The following DOCK2 variants were observed in gnomAD, a reference collection of about 807,000 sequenced individuals.
DOCK2 encodes dedicator of cytokinesis 2, also known as dedicator of cytokinesis protein 2.
In DOCK2, 87 loss-of-function variants were observed where a neutral mutation model predicts 248.9. The observed-to-expected ratio is 0.35, with a 90% CI of 0.29 to 0.42. The LOEUF is 0.42. Among genes scored for constraint, DOCK2 ranks in the 10% least tolerant of loss-of-function variants. The probability of loss-of-function intolerance (pLI) is 1.00; values close to 1 mark genes in which losing one functional copy is unlikely to be tolerated. For missense variants in DOCK2, 1,747 were observed against 2,300.2 expected (o/e 0.76, Z 4.92); for synonymous variants, 805 against 821.6 (o/e 0.98, Z 0.35).
chr5:169,686,068 C>G (rs559440881), intron 8 of DOCK2, among the ~76,000 whole-genome samples: 2 of 150,976 alleles, frequency 1.3e-5, no homozygotes, highest in Admixed American at 6.6e-5. Context: ...CCTTGGTGGA[C>G]CCCGATAATG....
chr5:169,902,301 A>G (rs1250468175), intron 27 of DOCK2, among the ~76,000 whole-genome samples: 9 of 152,244 alleles, frequency 5.9e-5, no homozygotes, highest in African/African-American at 2.2e-4. Flanking sequence ...GTGACTGTGG[A>G]CGAGGCCATC....
In DOCK2 at chr5:170,034,453, C is replaced by T. The variant is rs746001073; in HGVS notation, c.3522C>T (p.Phe1174=). Residue 1174 remains phenylalanine (F), a synonymous_variant, in exon 35 of 52, where the codon TTC becomes TTT. Coordinates refer to ENST00000520908, the MANE Select transcript of DOCK2 (RefSeq NM_004946.3). ...CCATTGCCAAGTCGGTGGAGAACTT[C>T]GTGAACCTGGTCAAAGGCCTCCTGG... is the stretch of plus-strand genomic sequence containing the variant. The part of the protein sequence containing the change: ...HPTIAKSVEN[F]VNLVKGLLEK... 9.3e-6 allele frequency: 15 copies of T among 1,614,042 alleles called. No homozygotes were observed. Among genetic ancestry groups the T allele is most frequent in the African/African-American group, 4.0e-5 (3 of 74,920 alleles).
chr5:169,758,229 A>T (rs1336240150), intron 23 of DOCK2, among the ~76,000 whole-genome samples: 1 of 152,222 alleles, frequency 6.6e-6, no homozygotes, highest in Non-Finnish European at 1.5e-5. Flanking sequence ...GTGTGCAGTT[A>T]ACTACAAAAA....
chr5:169,865,022 A>G (rs1487167507), intron 27 of DOCK2, among the ~76,000 whole-genome samples: 1 of 152,254 alleles, frequency 6.6e-6, no homozygotes, highest in African/African-American at 2.4e-5. Flanking sequence ...CATCATTAAC[A>G]TAATTTCTAC....
At chr5:169,638,300 A>C (rs1756953571) in intron 1 of DOCK2, among the ~76,000 whole-genome samples, 1 of 152,146 alleles carries the variant, frequency 6.6e-6, no homozygotes, top group Non-Finnish European at 1.5e-5. Flanking sequence ...AGAGATCAGC[A>C]GTTATCCACT....
At chr5:170,057,147 C>G (rs557626556) in intron 43 of DOCK2, 2 of 354,322 alleles carry the variant, frequency 5.6e-6, no homozygotes, top group East Asian at 1.5e-4. Context: ...CTAGTCTCCT[C>G]TGTGTGTGTC....
intron 44 of DOCK2, among the ~76,000 whole-genome samples, chr5:170,059,442 G>A (rs914810656): frequency 1.7e-4 from 26 of 152,078 alleles, no homozygotes; most frequent in South Asian, 2.1e-4. Flanking sequence ...TCAGCAAGGC[G>A]CCTCTTCTGT....
chr5:169,714,917 A>G (rs1669337823), intron 19 of DOCK2, among the ~76,000 whole-genome samples: 7 of 152,168 alleles, frequency 4.6e-5, no homozygotes. Flanking sequence ...GTTGATATAT[A>G]TGTATATGCA....
chr5:170,017,172 C>T (rs944638352), intron 32 of DOCK2, among the ~76,000 whole-genome samples: 1 of 152,166 alleles, frequency 6.6e-6, no homozygotes, highest in Non-Finnish European at 1.5e-5. Context: ...TGCTTTCCCT[C>T]TCAGCTCCTT....
intron 27 of DOCK2, chr5:169,934,875 T>C (rs1775918523): frequency 2.7e-6 from 1 of 369,344 alleles, no homozygotes; most frequent in Non-Finnish European, 5.4e-6. Context: ...AAAACAACTT[T>C]AACCACCTTA....
At chr5:169,643,310 T>C (rs529084166) in intron 1 of DOCK2, among the ~76,000 whole-genome samples, 13 of 151,934 alleles carry the variant, frequency 8.6e-5, no homozygotes, top group Non-Finnish European at 1.3e-4. Flanking sequence ...GTGGACACTT[T>C]CCAGAGCCCT....
chr5:169,688,907 A>G (rs929622435), intron 8 of DOCK2, among the ~76,000 whole-genome samples: 2 of 152,210 alleles, frequency 1.3e-5, no homozygotes, highest in African/African-American at 2.4e-5. Context: ...AAAATATACT[A>G]AAGTCCTTTC....
At chr5:169,864,157 A>T in intron 27 of DOCK2, 1 of 920,448 alleles carries the variant, frequency 1.1e-6, no homozygotes, top group Non-Finnish European at 1.7e-6. Context: ...TTCACAGGCC[A>T]AGGGGCTCAC....
chr5:169,810,979 T>TCACACA (rs1462836121), intron 26 of DOCK2, among the ~76,000 whole-genome samples: 8 of 136,298 alleles, frequency 5.9e-5, no homozygotes, highest in African/African-American at 2.5e-4. Context: ...AGACTCTCTC[T>TCACACA]CTCTCTCTCT....
At chr5:169,649,282 C>A (rs1369876565) in intron 1 of DOCK2, among the ~76,000 whole-genome samples, 1 of 152,188 alleles carries the variant, frequency 6.6e-6, no homozygotes, top group African/African-American at 2.4e-5. Context: ...GATGGCAGGG[C>A]CCCAGATGAG....
chr5:169,789,779 T>C (rs1025279594), intron 25 of DOCK2, among the ~76,000 whole-genome samples: 2 of 152,216 alleles, frequency 1.3e-5, no homozygotes, highest in Admixed American at 6.5e-5. Context: ...CTGCCTCAAG[T>C]CTGTCTCATC....
intron 13 of DOCK2, among the ~76,000 whole-genome samples, chr5:169,701,777 C>T (rs1340639137): frequency 6.6e-6 from 1 of 152,204 alleles, no homozygotes; most frequent in African/African-American, 2.4e-5. Flanking sequence ...TTTGGCCTCC[C>T]AAAGTGCTGG....
chr5:169,959,565 C>G (rs562276255), intron 27 of DOCK2, among the ~76,000 whole-genome samples: 1 of 152,252 alleles, frequency 6.6e-6, no homozygotes, highest in African/African-American at 2.4e-5. Flanking sequence ...AGATTTCTCT[C>G]TCTTTGGAAT....
At chr5:169,650,073 C>T (rs755049058) in intron 1 of DOCK2, among the ~76,000 whole-genome samples, 3 of 152,168 alleles carry the variant, frequency 2.0e-5, no homozygotes, top group East Asian at 1.9e-4. Flanking sequence ...GTTGGGATTA[C>T]AGGCGTGAGC....
Sources: gnomAD v4.1 joint callset for allele counts (sites outside exome capture counted in the v4.1 genomes callset) on GRCh38, gnomAD v4.1.1 for gene constraint, MANE v1.5 for transcripts, NCBI Gene and HGNC (gene_info 2026-07-23, HGNC 2026-07-21) for gene names.